The following TMF1 variants were observed in gnomAD, a reference collection of about 807,000 sequenced individuals.
TMF1 encodes TATA element modulatory factor 1.
In TMF1, 71 loss-of-function variants were observed where a neutral mutation model predicts 126.5. The observed-to-expected ratio is 0.56, with a 90% CI of 0.46 to 0.68. TMF1 has a LOEUF of 0.68. Ranked by LOEUF, TMF1 falls within the 30% of genes least tolerant of loss-of-function variation. TMF1 has a pLI of 0.00. For missense variants in TMF1, 1,259 were observed against 1,253.2 expected (o/e 1.00, Z -0.07); for synonymous variants, 461 against 430.5 (o/e 1.07, Z -0.88).
chr3:69,031,811 G>A (rs2091804675), intron 10 of TMF1, among the ~76,000 whole-genome samples: 1 of 152,138 alleles, frequency 6.6e-6, no homozygotes, highest in African/African-American at 2.4e-5. Flanking sequence ...TTGTCCTGTG[G>A]CTTTGCCTAT....
chr3:69,036,828 G>C (rs1055571130), intron 8 of TMF1, among the ~76,000 whole-genome samples: 16 of 152,212 alleles, frequency 1.1e-4, no homozygotes, highest in African/African-American at 3.9e-4. Context: ...AAAACTCTTA[G>C]AAGAAAACTG....
rs1220599960 is a variant in TMF1 at position 69,021,358 on chromosome 3, C to T, written c.*1819G>A. 6.6e-6 allele frequency: 1 copy of T among 152,578 alleles called. No individual in the cohort carries two copies. Among genetic ancestry groups the T allele is most frequent in the Non-Finnish European group, 1.5e-5 (1 of 68,022 alleles). 9.5% of individuals were successfully genotyped at this position (152,578 alleles called of 1,614,324 possible). The stretch of plus-strand genomic sequence containing the variant: ...AACTACTATATTTTCTAATTCTATA[C>T]ATTTCTTATTGCTTATCTGTCCTGT... On this transcript the variant is annotated 3_prime_UTR_variant, in exon 17 of 17. Transcript: ENST00000398559.
At position 69,052,078 on chromosome 3, in the gene TMF1, C is replaced by G; in HGVS notation, c.9G>C (p.Trp3Cys). 6.2e-7 allele frequency: 1 copy of G among 1,610,960 alleles called. No individual in the cohort carries two copies. Among genetic ancestry groups the G allele is most frequent in the Non-Finnish European group, 8.5e-7 (1 of 1,179,024 alleles). ...AGCTGGAGAGCTGGGAGGCGTTGAA[C>G]CAACTCATCGCCCCTCCTCAGCCGG... MS[W>C]FNASQLSSFA... Residue 3 changes from tryptophan (W) to cysteine (C), a missense_variant, in exon 1 of 17, where the codon TGG (tryptophan) becomes TGC (cysteine). Trp to Cys is a radical substitution (Grantham distance 215). Transcript: ENST00000398559.
intron 16 of TMF1, among the ~76,000 whole-genome samples, chr3:69,023,668 C>G (rs1189385799): frequency 6.6e-6 from 1 of 152,032 alleles, no homozygotes; most frequent in Admixed American, 6.6e-5. Flanking sequence ...TTAGCCCACA[C>G]CACAGGAAAG....
At chr3:69,033,725 GT>G (rs1392168251) in intron 9 of TMF1, 21 bp from the exon 10 acceptor site, 3 of 1,582,452 alleles carry the variant, frequency 1.9e-6, no homozygotes, top group Non-Finnish European at 2.6e-6. Flanking sequence ...AAATTCTGAA[GT>G]CATTACCAAT....
chr3:69,040,002 T>C (rs2091854744), intron 5 of TMF1, among the ~76,000 whole-genome samples: 1 of 152,226 alleles, frequency 6.6e-6, no homozygotes, highest in Non-Finnish European at 1.5e-5. Context: ...TCACCAATTG[T>C]AGTACAGCCT....
chr3:69,030,248 G>C, intron 10 of TMF1: 1 of 377,176 alleles, frequency 2.7e-6, no homozygotes, highest in Non-Finnish European at 4.7e-6. Context: ...TAAAAGAGTA[G>C]TGGATCACCA....
At chr3:69,051,477 C>A (rs558524306) in intron 1 of TMF1, among the ~76,000 whole-genome samples, 2 of 152,228 alleles carry the variant, frequency 1.3e-5, no homozygotes, top group South Asian at 4.1e-4. Flanking sequence ...TCCGTCTCAA[C>A]AACAACATAA....
intron 11 of TMF1, among the ~76,000 whole-genome samples, chr3:69,028,714 G>A (rs937630370): frequency 1.6e-5 from 1 of 63,550 alleles, no homozygotes; most frequent in Non-Finnish European, 3.5e-5. Flanking sequence ...TTCCAAGGAA[G>A]AACAGAGGGT....
chr3:69,050,308 T>C (rs1040437810), intron 1 of TMF1, among the ~76,000 whole-genome samples: 1 of 151,546 alleles, frequency 6.6e-6, no homozygotes, highest in Admixed American at 6.6e-5. Flanking sequence ...TAAATATATG[T>C]ATGACTTCAA....
chr3:69,042,543 T>A, intron 5 of TMF1: 1 of 570,974 alleles, frequency 1.8e-6, no homozygotes, highest in African/African-American at 1.8e-5. Context: ...GTTTAAAGTT[T>A]TCTTAGGGCA....
chr3:69,043,091 G>C (rs1315851481), intron 4 of TMF1, among the ~76,000 whole-genome samples, 179 bp from the exon 5 acceptor site: 1 of 152,080 alleles, frequency 6.6e-6, no homozygotes, highest in Non-Finnish European at 1.5e-5. Flanking sequence ...CTTTGAAAAT[G>C]ATATTCAAAA....
Position 69,047,327 on chromosome 3 carries a change from TCTAAAAATCCCTTCCACTTA to T in TMF1, c.1347+11_1347+30del, listed in dbSNP as rs1559635415. ...AATGATTTAATCTCCAAAAAGCACA[TCTAAAAATCCCTTCCACTTA>T]CTAGAGTTACCTTGCAAACATCTTC... On this transcript the variant is annotated intron_variant, in intron 2 of 16. Transcript: ENST00000398559. 1 of 1,519,960 alleles carries T rather than the reference TCTAAAAATCCCTTCCACTTA, an allele frequency of 6.6e-7. No individual in the cohort carries two copies. Among genetic ancestry groups the T allele is most frequent in the African/African-American group, 1.4e-5 (1 of 71,946 alleles). The allele number at this position is 1,519,960 out of a possible 1,614,324, so 94.2% of individuals were successfully genotyped here.
At chr3:69,028,350 G>C (rs2091781459) in intron 11 of TMF1, 55 bp from the exon 12 acceptor site, 1 of 1,259,376 alleles carries the variant, frequency 7.9e-7, no homozygotes, top group Non-Finnish European at 1.1e-6. Flanking sequence ...TGCTAGTATA[G>C]ACTATTAAAA....
chr3:69,039,161 C>T, intron 6 of TMF1, 152 bp from the exon 7 acceptor site: 1 of 773,556 alleles, frequency 1.3e-6, no homozygotes, highest in Non-Finnish European at 1.9e-6. Flanking sequence ...TTCTGGCTCA[C>T]TGCAACCTCT....
intron 5 of TMF1, 156 bp downstream of exon 5, chr3:69,042,650 TC>T: frequency 1.4e-6 from 1 of 712,766 alleles, no homozygotes; most frequent in Non-Finnish European, 2.5e-6. Flanking sequence ...TATATCTTAT[TC>T]CTCATTCTTC....
intron 10 of TMF1, chr3:69,030,423 T>C (rs891014503): frequency 2.0e-5 from 3 of 153,360 alleles, no homozygotes; most frequent in African/African-American, 7.2e-5. Flanking sequence ...GTCTTCAGGA[T>C]CTAGAACAAG....
Position 69,039,539 on chromosome 3 carries a change from A to AT in TMF1, c.1827+11dup. 11 of 1,606,764 alleles carry AT rather than the reference A, an allele frequency of 6.8e-6. No individual in the cohort carries two copies. Among genetic ancestry groups the AT allele is most frequent in the Non-Finnish European group, 9.3e-6 (11 of 1,178,230 alleles). ...AACAATATATATGTAGAGAATTATG[A>AT]TTGCTATTCACCTGTTTCAAATGCT... is the stretch of plus-strand genomic sequence containing the variant. On this transcript the variant is annotated intron_variant, in intron 6 of 16. Coordinates refer to ENST00000398559, the MANE Select transcript of TMF1 (RefSeq NM_007114.3).
intron 1 of TMF1, among the ~76,000 whole-genome samples, chr3:69,051,076 C>T (rs2091925317): frequency 3.9e-5 from 6 of 152,196 alleles, no homozygotes; most frequent in Admixed American, 3.9e-4. Flanking sequence ...AATCCTCCTC[C>T]GCCGTGTGAC....
Sources: allele counts gnomAD v4.1 joint callset (sites outside exome capture counted in the v4.1 genomes callset), GRCh38; gene constraint gnomAD v4.1.1; transcripts MANE v1.5; gene names NCBI Gene and HGNC (gene_info 2026-07-23, HGNC 2026-07-21).